CRIM1: variants seen among roughly 807,000 people sequenced by gnomAD.
CRIM1 encodes the protein cysteine-rich motor neuron 1 protein.
A neutral mutation model predicts 116.4 loss-of-function variants in CRIM1; 32 were observed. The observed-to-expected ratio is 0.27, with a 90% CI of 0.21 to 0.37. The LOEUF (loss-of-function observed/expected upper bound fraction) is 0.37. Ranked by LOEUF, CRIM1 falls within the 10% of genes least tolerant of loss-of-function variation. The pLI is 1.00. For synonymous variants in CRIM1, 590 were observed against 509.2 expected (o/e 1.16, Z -2.13); for missense variants, 1,331 against 1,354.8 (o/e 0.98, Z 0.28).
chr2:36,356,296 T>A lies in CRIM1; in HGVS notation c.4T>A (p.Tyr2Asn). 6.6e-7 allele frequency: 1 copy of A among 1,516,944 alleles called. No homozygotes were observed. Among genetic ancestry groups the A allele is most frequent in the Non-Finnish European group, 8.8e-7 (1 of 1,130,098 alleles). 94.0% of individuals were successfully genotyped at this position (1,516,944 alleles called of 1,614,324 possible). ...GAGGCGGCGGCGGCGCAGGAGGATGTACTTGGTGGCGGGGGACAGGGGGTT... is the reference window on the plus strand; with the variant it reads ...GAGGCGGCGGCGGCGCAGGAGGATGAACTTGGTGGCGGGGGACAGGGGGTT... MYLVAGDRGLAG... is the reference protein window; with the variant it reads MNLVAGDRGLAG... The change falls in exon 1 of 17, where the codon TAC becomes AAC. Residue 2 changes from tyrosine (Y) to asparagine (N), a missense_variant. By Grantham distance (143) the Tyr-to-Asn change is moderately radical (BLOSUM62 -2). Transcript: ENST00000280527. This position sits in a 1 kb window ranked among gnomAD's most constrained non-coding sequence, Gnocchi z 4.3.
At chr2:36,467,966 G>A (rs1000073299) in intron 5 of CRIM1, among the ~76,000 whole-genome samples, 4 of 152,210 alleles carry the variant, frequency 2.6e-5, no homozygotes, top group African/African-American at 9.6e-5. Flanking sequence ...GCAGAAACTG[G>A]TTTCCTGGGA....
At chr2:36,404,791 C>G (rs1313993123) in intron 2 of CRIM1, among the ~76,000 whole-genome samples, 1 of 151,876 alleles carries the variant, frequency 6.6e-6, no homozygotes, top group African/African-American at 2.4e-5. Flanking sequence ...AGCCTTTTTT[C>G]TTTTCATTTT....
intron 2 of CRIM1, among the ~76,000 whole-genome samples, chr2:36,397,693 G>C (rs1182227895): frequency 6.6e-6 from 1 of 152,194 alleles, no homozygotes; most frequent in African/African-American, 2.4e-5. Context: ...CAGGACTGAA[G>C]TTTTGGAAAT....
chr2:36,403,381 G>A (rs969135845), intron 2 of CRIM1, among the ~76,000 whole-genome samples: 1 of 152,164 alleles, frequency 6.6e-6, no homozygotes, highest in Non-Finnish European at 1.5e-5. Context: ...TCAAAAATTG[G>A]CGTGTGATAC....
chr2:36,424,631 A>G (rs1674315883), intron 2 of CRIM1, among the ~76,000 whole-genome samples: 1 of 152,176 alleles, frequency 6.6e-6, no homozygotes, highest in Admixed American at 6.5e-5. Context: ...TCTACTCCCA[A>G]CATCCTCACT....
chr2:36,476,046 C>A (rs1678950821), intron 5 of CRIM1, among the ~76,000 whole-genome samples: 1 of 150,706 alleles, frequency 6.6e-6, no homozygotes. Flanking sequence ...GTTTTCTTGT[C>A]TTGGTGGGAG....
At chr2:36,432,222 C>T (rs1337949980) in intron 2 of CRIM1, among the ~76,000 whole-genome samples, 1 of 152,092 alleles carries the variant, frequency 6.6e-6, no homozygotes, top group Non-Finnish European at 1.5e-5. Context: ...TCAGAGAAGA[C>T]TGTAGTTTAT....
At chr2:36,494,221 T>C (rs559094252) in intron 7 of CRIM1, among the ~76,000 whole-genome samples, 1 of 152,316 alleles carries the variant, frequency 6.6e-6, no homozygotes, top group African/African-American at 2.4e-5. Flanking sequence ...GTAGCTTAAT[T>C]TCGCCATTGA....
chr2:36,414,039 A>G (rs1260554838), intron 2 of CRIM1, among the ~76,000 whole-genome samples: 1 of 152,228 alleles, frequency 6.6e-6, no homozygotes, highest in Non-Finnish European at 1.5e-5. Flanking sequence ...GTTTCTGTGT[A>G]TGAGCTTCTC....
At chr2:36,547,767 C>G (rs931920036) in intron 16 of CRIM1, among the ~76,000 whole-genome samples, 2 of 152,110 alleles carry the variant, frequency 1.3e-5, no homozygotes, top group African/African-American at 4.8e-5. Flanking sequence ...TCAGTACAAA[C>G]ATAAAGGGCC....
intron 2 of CRIM1, among the ~76,000 whole-genome samples, chr2:36,436,815 C>CTA: frequency 6.6e-6 from 1 of 152,174 alleles, no homozygotes; most frequent in Non-Finnish European, 1.5e-5. Flanking sequence ...GGCAGTAAGA[C>CTA]TATAAATTAA....
At chr2:36,519,037 G>A (rs1665202294) in intron 12 of CRIM1, among the ~76,000 whole-genome samples, 1 of 152,162 alleles carries the variant, frequency 6.6e-6, no homozygotes, top group South Asian at 2.1e-4. Flanking sequence ...TTGAAAGGGA[G>A]GATTCAAGAA....
In CRIM1 at chr2:36,488,317, G is replaced by A. The variant is rs148664909; in HGVS notation, c.1372+8623G>A. Among the ~76,000 whole-genome samples the A allele has an allele frequency of 1.8e-3, 272 of 152,258 alleles. 1 individual carries two copies. Among genetic ancestry groups the A allele is most frequent in the African/African-American group, 6.3e-3 (260 of 41,562 alleles). ...AAAGAACGCCTCTTGCGCATGTGTG[G>A]GTCTCCCCATCACAGGTGGCTGATG... On this transcript the variant is annotated intron_variant, in intron 7 of 16. Transcript: ENST00000280527.
chr2:36,386,503 C>T (rs1482726852), intron 1 of CRIM1, among the ~76,000 whole-genome samples: 4 of 152,214 alleles, frequency 2.6e-5, no homozygotes, highest in Non-Finnish European at 5.9e-5. Context: ...GACTTTCTTC[C>T]TCTACCAACA....
intron 13 of CRIM1, 61 bp from the exon 14 acceptor site, chr2:36,537,291 C>G (rs904491827): frequency 6.9e-7 from 1 of 1,458,256 alleles, no homozygotes; most frequent in African/African-American, 1.4e-5. Flanking sequence ...TCTCTCACGT[C>G]TAATAAGATC....
chr2:36,483,002 A>G (rs1021134516), intron 7 of CRIM1, among the ~76,000 whole-genome samples: 1 of 152,182 alleles, frequency 6.6e-6, no homozygotes, highest in East Asian at 1.9e-4. Flanking sequence ...AGCTAACTTG[A>G]TTCACAAGTA....
At chr2:36,367,304 T>C (rs1049457353) in intron 1 of CRIM1, among the ~76,000 whole-genome samples, 2 of 152,212 alleles carry the variant, frequency 1.3e-5, no homozygotes, top group Non-Finnish European at 2.9e-5. Context: ...TGTGACTGTA[T>C]TTGTGTATAT....
At chr2:36,468,138 G>T (rs1678194455) in intron 5 of CRIM1, among the ~76,000 whole-genome samples, 1 of 152,220 alleles carries the variant, frequency 6.6e-6, no homozygotes, top group African/African-American at 2.4e-5. Flanking sequence ...TCAGAAGACT[G>T]TGGGTAGAAT....
At chr2:36,444,056 G>GT (rs1261888061) in intron 4 of CRIM1, among the ~76,000 whole-genome samples, 1 of 152,208 alleles carries the variant, frequency 6.6e-6, no homozygotes, top group African/African-American at 2.4e-5. Context: ...ATCGCTAACA[G>GT]TAACAGATGT....
Sources: gnomAD v4.1 joint callset for allele counts (sites outside exome capture counted in the v4.1 genomes callset) on GRCh38, gnomAD v4.1.1 for gene constraint, Gnocchi (gnomAD v3.1) non-coding constraint, MANE v1.5 for transcripts, NCBI Gene and HGNC (gene_info 2026-07-23, HGNC 2026-07-21) for gene names.